Variants in MAPK4 observed in about 807,000 individuals in gnomAD.
MAPK4 encodes the protein Erk3-related.
A neutral mutation model predicts 47.7 loss-of-function variants in MAPK4; 22 were observed. That is an observed-to-expected ratio of 0.46 (90% CI 0.33 to 0.66). The LOEUF (loss-of-function observed/expected upper bound fraction) is 0.66. Among genes scored for constraint, MAPK4 ranks in the 30% least tolerant of loss-of-function variants. MAPK4 has a pLI of 0.02. For missense variants in MAPK4, 736 were observed against 831.7 expected (o/e 0.88, Z 1.42); for synonymous variants, 390 against 365.7 (o/e 1.07, Z -0.76).
Position 50,726,068 on chromosome 18 carries a change from C to T in MAPK4, c.960C>T (p.Asp320=), listed in dbSNP as rs199726442. 570 of 1,614,048 alleles carry T rather than the reference C, an allele frequency of 3.5e-4. 2 individuals are homozygous for T. The highest frequency in any genetic ancestry group is 4.7e-4 in the African/African-American group (35 of 75,004). Residue 320 remains aspartate, a synonymous_variant, in exon 5 of 6, where the codon GAC becomes GAT. Transcript: ENST00000400384. ...PYMSPYSCPE[D]EPTSQHPFRI... ...TGAGCCCATACTCGTGCCCTGAGGA[C>T]GAGCCCACCTCACAACACCCCTTCC...
rs1196675699 is a variant in MAPK4 at position 50,730,044 on chromosome 18, G to C, written c.*190G>C. Reference sequence around the variant, plus strand: ...AATAACTAGCCTTTAACCTGTGGGAGCGGGTTTGAACAGGACCCTGGCTTA... The same window carrying C: ...AATAACTAGCCTTTAACCTGTGGGACCGGGTTTGAACAGGACCCTGGCTTA... On this transcript the variant is annotated 3_prime_UTR_variant, in exon 6 of 6. Coordinates refer to ENST00000400384, the MANE Select transcript of MAPK4 (RefSeq NM_002747.4). The C allele has an allele frequency of 3.5e-6, 2 of 577,818 alleles. No homozygotes were observed. The highest frequency in any genetic ancestry group is 3.2e-5 in the Admixed American group (1 of 31,344). The allele number at this position is 577,818 out of a possible 1,614,324, so 35.8% of individuals were successfully genotyped here. A position where few individuals can be genotyped will look rare whatever the true frequency, so the allele number is the denominator to read the frequency against.
chr18:50,635,738 C>G (rs142222091), intron 1 of MAPK4, among the ~76,000 whole-genome samples: 60 of 152,304 alleles, frequency 3.9e-4, no homozygotes, highest in Non-Finnish European at 5.9e-5. Flanking sequence ...TCAACAAGGC[C>G]CCTGCAGTCT....
chr18:50,580,769 T>C (rs1167444446), intron 1 of MAPK4, among the ~76,000 whole-genome samples: 1 of 152,216 alleles, frequency 6.6e-6, no homozygotes, highest in Non-Finnish European at 1.5e-5. Context: ...TCTCTAATAA[T>C]GTCAATTGTG....
chr18:50,699,465 TA>T, intron 2 of MAPK4, among the ~76,000 whole-genome samples: 1 of 152,206 alleles, frequency 6.6e-6, no homozygotes, highest in Non-Finnish European at 1.5e-5. Flanking sequence ...AGTGACTTAA[TA>T]AAAAGACTTT....
At chr18:50,690,565 A>G (rs1909156229) in intron 2 of MAPK4, among the ~76,000 whole-genome samples, 1 of 152,232 alleles carries the variant, frequency 6.6e-6, no homozygotes, top group African/African-American at 2.4e-5. Context: ...TTTAACACTA[A>G]TATGAGAAGT....
At chr18:50,626,241 C>A (rs966411642) in intron 1 of MAPK4, among the ~76,000 whole-genome samples, 5 of 152,152 alleles carry the variant, frequency 3.3e-5, no homozygotes, top group Non-Finnish European at 5.9e-5. Flanking sequence ...TAATGTTTGA[C>A]CAAATATCTG....
In MAPK4 at chr18:50,663,390, G is replaced by GCCCCTGGATGCCTCCAGAATTCATT. The variant is rs1907387232; in HGVS notation, c.-568_-544dup. The GCCCCTGGATGCCTCCAGAATTCATT allele has an allele frequency of 6.6e-6, 1 of 152,224 alleles. No individual in the cohort carries two copies. Among genetic ancestry groups the GCCCCTGGATGCCTCCAGAATTCATT allele is most frequent in the Non-Finnish European group, 1.5e-5 (1 of 68,064 alleles). The allele number at this position is 152,224 out of a possible 1,614,324, so 9.4% of individuals were successfully genotyped here. On this transcript the variant is annotated 5_prime_UTR_variant, in exon 2 of 6. It adds an upstream start codon to the 5' untranslated region. Transcript: ENST00000400384. ...GTAGAAACAGGAGAGGTAGAAAGAA[G>GCCCCTGGATGCCTCCAGAATTCATT]CCCCTGGATGCCTCCAGAATTCATT...
chr18:50,640,318 A>C (rs934746), intron 1 of MAPK4, among the ~76,000 whole-genome samples: 1 of 152,112 alleles, frequency 6.6e-6, no homozygotes, highest in Admixed American at 6.5e-5. Flanking sequence ...GGTCATGCCA[A>C]AGAAACTTGG....
At chr18:50,718,263 A>G (rs1017301239) in intron 3 of MAPK4, among the ~76,000 whole-genome samples, 1 of 152,214 alleles carries the variant, frequency 6.6e-6, no homozygotes, top group African/African-American at 2.4e-5. Flanking sequence ...GCTGTCCCCC[A>G]GGCTGGAGTG....
chr18:50,623,337 G>C (rs1041891460), intron 1 of MAPK4, among the ~76,000 whole-genome samples: 2 of 152,214 alleles, frequency 1.3e-5, no homozygotes, highest in African/African-American at 2.4e-5. Flanking sequence ...TATTAACATT[G>C]TGCAGCAGTG....
chr18:50,636,492 C>A (rs1332048565), intron 1 of MAPK4, among the ~76,000 whole-genome samples: 2 of 152,172 alleles, frequency 1.3e-5, no homozygotes, highest in Non-Finnish European at 2.9e-5. Context: ...TGCTCTGTAA[C>A]CAGGTGACTC....
At chr18:50,586,672 G>A (rs544723815) in intron 1 of MAPK4, among the ~76,000 whole-genome samples, 3 of 152,112 alleles carry the variant, frequency 2.0e-5, no homozygotes, top group South Asian at 4.2e-4. Flanking sequence ...GGTAAGCTCC[G>A]AGTGTACATT....
chr18:50,715,051 C>G (rs776995917), intron 2 of MAPK4, 28 bp from the exon 3 acceptor site: 2 of 1,610,282 alleles, frequency 1.2e-6, no homozygotes, highest in Non-Finnish European at 1.7e-6. Context: ...AATGACTGAT[C>G]AGTGGAACCA....
rs116709275 is a variant in MAPK4, at chr18:50,727,996, T to A, written c.1068-1162T>A. Among the ~76,000 whole-genome samples, 4 of 152,352 alleles carry A rather than the reference T, an allele frequency of 2.6e-5. 1 individual carries two copies. In the South Asian group the frequency reaches 8.3e-4, roughly 32 times the overall value. On this transcript the variant is annotated intron_variant, in intron 5 of 5. Transcript: ENST00000400384. ...GGCCACTCAATCAAGGAGGCAGGGT[T>A]CAGCTGTAGGAGCAATTCCTGCCCT...
rs1418391040 is a variant in MAPK4 at position 50,730,226 on chromosome 18, G to A, written c.*372G>A. On this transcript the variant is annotated 3_prime_UTR_variant, in exon 6 of 6. Coordinates refer to ENST00000400384, the MANE Select transcript of MAPK4 (RefSeq NM_002747.4). The stretch of plus-strand genomic sequence containing the variant: ...CCATCTGGCCCAACTAGCCTCAACT[G>A]ACAGCTGAGGAAAGGCAATTAGGCC... 2 of 173,686 alleles carry A rather than the reference G, an allele frequency of 1.2e-5. No homozygotes were observed. Among genetic ancestry groups the A allele is most frequent in the Non-Finnish European group, 2.4e-5 (2 of 82,020 alleles). The allele number at this position is 173,686 out of a possible 1,614,324, so 10.8% of individuals were successfully genotyped here.
At chr18:50,617,191 A>G (rs903424186) in intron 1 of MAPK4, among the ~76,000 whole-genome samples, 2 of 152,010 alleles carry the variant, frequency 1.3e-5, no homozygotes, top group South Asian at 4.2e-4. Flanking sequence ...TCTCAAAATA[A>G]GGCATAGTAG....
chr18:50,729,091 G>A, intron 5 of MAPK4, 67 bp from the exon 6 acceptor site: 1 of 1,371,170 alleles, frequency 7.3e-7, no homozygotes, highest in Non-Finnish European at 1.0e-6. Context: ...GGATTAGAGG[G>A]CTTGGCTCCC....
At chr18:50,711,450 G>A (rs759251829) in intron 2 of MAPK4, among the ~76,000 whole-genome samples, 1 of 152,264 alleles carries the variant, frequency 6.6e-6, no homozygotes, top group Non-Finnish European at 1.5e-5. Context: ...TGCTCTGAGT[G>A]GTGGTCACAG....
At chr18:50,567,993 G>A (rs2042215760) in intron 1 of MAPK4, among the ~76,000 whole-genome samples, 2 of 152,004 alleles carry the variant, frequency 1.3e-5, no homozygotes, top group South Asian at 4.2e-4. Flanking sequence ...TCAGGCGATC[G>A]AGACCATCCT....
Sources: allele counts gnomAD v4.1 joint callset (sites outside exome capture counted in the v4.1 genomes callset), GRCh38; gene constraint gnomAD v4.1.1; transcripts MANE v1.5; gene names NCBI Gene and HGNC (gene_info 2026-07-23, HGNC 2026-07-21).